The following FMN1 variants were observed in gnomAD, a reference collection of about 807,000 sequenced individuals.
FMN1 encodes formin 1, also known as formin-1.
FMN1 carries 110 observed loss-of-function variants against 132.4 expected under a neutral mutation model. The ratio of observed to expected loss-of-function variants is 0.83; its 90% CI spans 0.71 to 0.97. The LOEUF (loss-of-function observed/expected upper bound fraction) is 0.97, where lower values mean the gene tolerates loss of function less well. Ranked by LOEUF, FMN1 falls within the 50% of genes least tolerant of loss-of-function variation. FMN1 has a pLI of 0.00. For missense variants in FMN1, 1,792 were observed against 1,705.3 expected (o/e 1.05, Z -0.90); for synonymous variants, 722 against 651.7 (o/e 1.11, Z -1.64).
intron 4 of FMN1, among the ~76,000 whole-genome samples, chr15:33,148,253 C>G (rs1283776354): frequency 6.6e-6 from 1 of 152,200 alleles, no homozygotes; most frequent in East Asian, 1.9e-4. Context: ...ACTGTAGCCA[C>G]TACTTCCACT....
intron 7 of FMN1, among the ~76,000 whole-genome samples, chr15:32,974,827 T>C (rs1293199572): frequency 2.0e-5 from 3 of 152,194 alleles, no homozygotes; most frequent in Non-Finnish European, 4.4e-5. Context: ...TCCAAAGTAA[T>C]GTGTTATTTG....
intron 19 of FMN1, among the ~76,000 whole-genome samples, chr15:32,798,543 C>A (rs1350969226): frequency 6.6e-6 from 1 of 152,186 alleles, no homozygotes; most frequent in Non-Finnish European, 1.5e-5. Context: ...ATTAGCACAA[C>A]CCTCCTTTCA....
intron 19 of FMN1, among the ~76,000 whole-genome samples, chr15:32,782,147 A>T (rs2056684984): frequency 6.6e-6 from 1 of 152,180 alleles, no homozygotes; most frequent in Admixed American, 6.5e-5. Flanking sequence ...TCATCTTAGA[A>T]CTGAGTAGGT....
intron 17 of FMN1, among the ~76,000 whole-genome samples, chr15:32,822,706 G>C (rs529839352): frequency 2.0e-5 from 3 of 152,192 alleles, no homozygotes; most frequent in African/African-American, 7.2e-5. Context: ...AAGTAATGTT[G>C]CATTATTTGA....
intron 7 of FMN1, among the ~76,000 whole-genome samples, chr15:32,984,014 C>T (rs76546227): frequency 0.022 from 3,335 of 152,192 alleles, 58 homozygotes; most frequent in Non-Finnish European, 0.032. Flanking sequence ...TTCCATTTAA[C>T]ACCGTGATGT....
intron 17 of FMN1, among the ~76,000 whole-genome samples, chr15:32,819,861 A>C (rs1010202458): frequency 8.5e-5 from 13 of 152,224 alleles, no homozygotes; most frequent in African/African-American, 3.1e-4. Context: ...GGTTAGTTTA[A>C]TGTCATTTAT....
At chr15:33,048,631 C>CAAAAAAAAGAAAAAAAAAAAA (rs2036804031) in intron 6 of FMN1, among the ~76,000 whole-genome samples, 1 of 43,440 alleles carries the variant, frequency 2.3e-5, no homozygotes, top group African/African-American at 7.6e-5. Flanking sequence ...GGCAATTTAC[C>CAAAAAAAAGAAAAAAAAAAAA]AAAAAAAAAA....
intron 6 of FMN1, among the ~76,000 whole-genome samples, chr15:33,033,545 C>T (rs1180140418): frequency 6.6e-6 from 1 of 152,168 alleles, no homozygotes; most frequent in Non-Finnish European, 1.5e-5. Flanking sequence ...CTTCCTACAT[C>T]AAATTTTCCC....
At chr15:33,001,806 T>C (rs2034136638) in intron 7 of FMN1, among the ~76,000 whole-genome samples, 5 of 151,414 alleles carry the variant, frequency 3.3e-5, no homozygotes, top group Admixed American at 3.3e-4. Context: ...GCTACACCTT[T>C]TGATAAGCTA....
At chr15:33,126,650 C>T (rs903053634) in intron 4 of FMN1, among the ~76,000 whole-genome samples, 3 of 152,288 alleles carry the variant, frequency 2.0e-5, no homozygotes, top group African/African-American at 7.2e-5. Flanking sequence ...AGTTGCAAAT[C>T]CTGGCAGCAT....
intron 5 of FMN1, among the ~76,000 whole-genome samples, chr15:33,080,608 C>T (rs946284500): frequency 2.6e-5 from 4 of 152,238 alleles, no homozygotes; most frequent in Middle Eastern, 3.4e-3. Context: ...AAAAATTAGC[C>T]GGGCATAATG....
chr15:33,124,486 G>A (rs989260646), intron 4 of FMN1, among the ~76,000 whole-genome samples: 1 of 152,074 alleles, frequency 6.6e-6, no homozygotes, highest in African/African-American at 2.4e-5. Flanking sequence ...TTAAATTACT[G>A]CTTGGGACTG....
Position 32,770,858 on chromosome 15 carries a change from CAGTG to C in FMN1, c.*3448_*3451del, listed in dbSNP as rs2056211691. ...AATCTTTATAATTCCTGAGTAGTTG[CAGTG>C]AGTGTGTAGAAAGACACCATCATCA... On this transcript the variant is annotated 3_prime_UTR_variant, in exon 21 of 21. Coordinates refer to ENST00000616417, the MANE Select transcript of FMN1 (RefSeq NM_001277313.2). 2 of 151,996 alleles carry C rather than the reference CAGTG, an allele frequency of 1.3e-5. No individual in the cohort carries two copies. The highest frequency in any genetic ancestry group is 1.5e-5 in the Non-Finnish European group (1 of 68,004). 9.4% of individuals were successfully genotyped at this position (151,996 alleles called of 1,614,324 possible).
chr15:32,874,929 A>G (rs2059603816), intron 16 of FMN1, among the ~76,000 whole-genome samples: 1 of 152,156 alleles, frequency 6.6e-6, no homozygotes, highest in Admixed American at 6.5e-5. Flanking sequence ...CAACCAAATT[A>G]GCACTGTTAG....
intron 16 of FMN1, among the ~76,000 whole-genome samples, chr15:32,869,102 T>C (rs1268378786): frequency 6.6e-6 from 1 of 152,164 alleles, no homozygotes. Context: ...AGGTGAAATG[T>C]CATGAATAAA....
intron 7 of FMN1, 55 bp downstream of exon 7, chr15:33,007,959 A>C: frequency 6.9e-7 from 1 of 1,444,418 alleles, no homozygotes; most frequent in Non-Finnish European, 9.5e-7. Flanking sequence ...TCAGCATAGG[A>C]GAAAACCAAG....
At chr15:32,848,796 C>T (rs78715232) in intron 17 of FMN1, among the ~76,000 whole-genome samples, 2,600 of 152,190 alleles carry the variant, frequency 0.017, 72 homozygotes, top group African/African-American at 0.059. Context: ...AATCTGCATA[C>T]GCCTATGAAC....
At chr15:32,880,620 A>G (rs2059747384) in intron 16 of FMN1, among the ~76,000 whole-genome samples, 1 of 152,192 alleles carries the variant, frequency 6.6e-6, no homozygotes, top group Non-Finnish European at 1.5e-5. Context: ...AGATAACTGT[A>G]TGGGAGATAA....
intron 17 of FMN1, among the ~76,000 whole-genome samples, chr15:32,837,697 G>GT (rs879330106): frequency 1.3e-5 from 2 of 152,228 alleles, no homozygotes; most frequent in Non-Finnish European, 2.9e-5. Flanking sequence ...GAAAGGTGGA[G>GT]TAAGATTTTG....
Sources: gnomAD v4.1 joint callset for allele counts (sites outside exome capture counted in the v4.1 genomes callset) on GRCh38, gnomAD v4.1.1 for gene constraint, MANE v1.5 for transcripts, NCBI Gene and HGNC (gene_info 2026-07-23, HGNC 2026-07-21) for gene names.